Variants in SPIDR observed in about 807,000 individuals in gnomAD.
The protein encoded by SPIDR is DNA repair-scaffolding protein.
SPIDR carries 93 observed loss-of-function variants against 104.6 expected under a neutral mutation model. That is an observed-to-expected ratio of 0.89 (90% CI 0.75 to 1.06). SPIDR has a LOEUF of 1.06. Among genes scored for constraint, SPIDR ranks in the 50% least tolerant of loss-of-function variants. The probability of loss-of-function intolerance (pLI) is 0.00; values close to 1 mark genes in which losing one functional copy is unlikely to be tolerated. For synonymous variants in SPIDR, 431 were observed against 416.9 expected, an observed-to-expected ratio of 1.03 and a Z score of -0.41; for missense variants, 1,154 against 1,111.2, an observed-to-expected ratio of 1.04 and a Z score of -0.55.
chr8:47,536,978 T>A (rs1387469415), intron 8 of SPIDR, among the ~76,000 whole-genome samples: 1 of 152,226 alleles, frequency 6.6e-6, no homozygotes, highest in Non-Finnish European at 1.5e-5. Context: ...CTTGACATCA[T>A]GTGTCATCAG....
chr8:47,518,852 G>A (rs1437897340), intron 8 of SPIDR, among the ~76,000 whole-genome samples: 1 of 152,080 alleles, frequency 6.6e-6, no homozygotes, highest in Non-Finnish European at 1.5e-5. Context: ...AGCCAGGATG[G>A]TCTCGGTCTA....
intron 16 of SPIDR, 143 bp from the exon 17 acceptor site, chr8:47,727,055 TAA>T (rs1405988375): frequency 2.6e-5 from 16 of 609,596 alleles, no homozygotes; most frequent in Non-Finnish European, 4.4e-5. Flanking sequence ...GTGGAAATTA[TAA>T]AAATCTTAGG....
chr8:47,290,054 T>G (rs2039619840), intron 3 of SPIDR, among the ~76,000 whole-genome samples: 1 of 152,158 alleles, frequency 6.6e-6, no homozygotes, highest in African/African-American at 2.4e-5. Flanking sequence ...TGTGTGTGTG[T>G]GTGAGATGGA....
At chr8:47,660,626 A>G in intron 10 of SPIDR, 2 of 524,774 alleles carry the variant, frequency 3.8e-6, no homozygotes, top group African/African-American at 4.1e-5. Flanking sequence ...CGCTGTAGAC[A>G]TGGTATTCTA....
At chr8:47,715,255 CA>C (rs556597726) in intron 16 of SPIDR, among the ~76,000 whole-genome samples, 17 of 152,274 alleles carry the variant, frequency 1.1e-4, no homozygotes, top group Admixed American at 1.0e-3. Flanking sequence ...CTGCTCACTG[CA>C]ACCTCTACCT....
At chr8:47,719,264 T>G (rs184825530) in intron 16 of SPIDR, among the ~76,000 whole-genome samples, 2 of 152,050 alleles carry the variant, frequency 1.3e-5, no homozygotes, top group Non-Finnish European at 2.9e-5. Context: ...ATCCCAGCAC[T>G]TGGGGAGGCC....
intron 8 of SPIDR, among the ~76,000 whole-genome samples, chr8:47,495,778 T>C (rs2079355052): frequency 6.6e-6 from 1 of 152,176 alleles, no homozygotes; most frequent in Non-Finnish European, 1.5e-5. Context: ...TAGCACCATT[T>C]TTGAAAATAT....
chr8:47,531,509 G>A (rs371945584), intron 8 of SPIDR, among the ~76,000 whole-genome samples: 8 of 152,144 alleles, frequency 5.3e-5, no homozygotes, highest in Non-Finnish European at 8.8e-5. Flanking sequence ...AGAATACACC[G>A]TGAACATTCC....
chr8:47,447,447 C>T (rs552180619), intron 8 of SPIDR, among the ~76,000 whole-genome samples: 2 of 152,302 alleles, frequency 1.3e-5, no homozygotes, highest in South Asian at 4.1e-4. Flanking sequence ...CTCCTGACCT[C>T]AGGTAATCCG....
At chr8:47,265,564 A>G (rs782001280) in intron 1 of SPIDR, among the ~76,000 whole-genome samples, 14 of 152,110 alleles carry the variant, frequency 9.2e-5, no homozygotes, top group Non-Finnish European at 1.9e-4. Flanking sequence ...TCTATATGTC[A>G]AGCACTTTGC....
intron 9 of SPIDR, among the ~76,000 whole-genome samples, chr8:47,597,697 A>G (rs1771041576): frequency 6.6e-6 from 1 of 152,244 alleles, no homozygotes; most frequent in African/African-American, 2.4e-5. Flanking sequence ...CTTGGAATAA[A>G]AAGAACTGCA....
rs138014975 is a variant in SPIDR, at chr8:47,448,674, A to ATG, written c.1097+8145_1097+8146dup. Among the ~76,000 whole-genome samples the ATG allele has an allele frequency of 9.8e-4, 149 of 151,530 alleles. 1 individual carries two copies. Among genetic ancestry groups the ATG allele is most frequent in the Middle Eastern group, 3.4e-3 (1 of 292 alleles). ...AGAGTATGTGTGTGTACCTGTGTTT[A>ATG]TGTGTGTGTGTGTGCTTGGGGAGAC... is the stretch of plus-strand genomic sequence containing the variant. On this transcript the variant is annotated intron_variant, in intron 8 of 19. Transcript: ENST00000297423.
intron 5 of SPIDR, among the ~76,000 whole-genome samples, chr8:47,341,155 TA>T (rs1320487582): frequency 6.6e-6 from 1 of 152,244 alleles, no homozygotes; most frequent in Non-Finnish European, 1.5e-5. Context: ...CTCAGGTAGT[TA>T]ATGTCAGAAT....
Position 47,592,631 on chromosome 8 carries a change from C to A in SPIDR, c.1098-3180C>A, listed in dbSNP as rs2061169387. 2.7e-6 allele frequency: 3 copies of A among 1,103,918 alleles called. No homozygotes were observed. In the Admixed American group the frequency reaches 6.1e-5, roughly 22 times the overall value. 68.4% of individuals were successfully genotyped at this position (1,103,918 alleles called of 1,614,324 possible). A position where few individuals can be genotyped will look rare whatever the true frequency, so the allele number is the denominator to read the frequency against. Reference sequence around the variant, plus strand: ...CATCTTATCAGAACCCGAGTTCGGCCTCTGGTCTAGTCTCCGGCTCCGCTT... The same window carrying A: ...CATCTTATCAGAACCCGAGTTCGGCATCTGGTCTAGTCTCCGGCTCCGCTT... On this transcript the variant is annotated intron_variant, in intron 8 of 19. Transcript: ENST00000297423.
At chr8:47,354,576 G>A (rs1293821488) in intron 5 of SPIDR, among the ~76,000 whole-genome samples, 2 of 152,002 alleles carry the variant, frequency 1.3e-5, no homozygotes, top group Non-Finnish European at 2.9e-5. Flanking sequence ...TCTGTTCATT[G>A]TAGTATTTAA....
chr8:47,360,420 A>C (rs2055616984), intron 5 of SPIDR, among the ~76,000 whole-genome samples: 1 of 152,170 alleles, frequency 6.6e-6, no homozygotes, highest in South Asian at 2.1e-4. Flanking sequence ...TTGGTAAGCC[A>C]GGAGAAATTA....
At chr8:47,664,742 A>AC (rs1563472042) in intron 10 of SPIDR, among the ~76,000 whole-genome samples, 2 of 114,296 alleles carry the variant, frequency 1.7e-5, no homozygotes, top group Non-Finnish European at 4.0e-5. Context: ...CCCCATCTCT[A>AC]CAAAAAAAAA....
chr8:47,644,147 C>G (rs2069768262), intron 10 of SPIDR, among the ~76,000 whole-genome samples: 1 of 152,086 alleles, frequency 6.6e-6, no homozygotes, highest in South Asian at 2.1e-4. Flanking sequence ...CACCTCACAC[C>G]CAAGTTTAGC....
intron 16 of SPIDR, among the ~76,000 whole-genome samples, chr8:47,725,180 T>C (rs1463186146): frequency 6.6e-6 from 1 of 152,256 alleles, no homozygotes; most frequent in African/African-American, 2.4e-5. Flanking sequence ...CCACCCATCC[T>C]GAGGACCCTT....
Sources: gnomAD v4.1 joint callset for allele counts (sites outside exome capture counted in the v4.1 genomes callset) on GRCh38, gnomAD v4.1.1 for gene constraint, MANE v1.5 for transcripts, NCBI Gene and HGNC (gene_info 2026-07-23, HGNC 2026-07-21) for gene names.